The following ZFPM2 variants were observed in gnomAD, a reference collection of about 807,000 sequenced individuals.
The protein encoded by ZFPM2 is zinc finger protein, FOG family member 2.
ZFPM2 carries 20 observed loss-of-function variants against 98.6 expected under a neutral mutation model. That is an observed-to-expected ratio of 0.20 (90% CI 0.14 to 0.29). ZFPM2 has a LOEUF of 0.29. Ranked by LOEUF, ZFPM2 falls within the 10% of genes least tolerant of loss-of-function variation. The pLI, the probability that ZFPM2 is intolerant of heterozygous loss-of-function variation, is 1.00. For missense variants in ZFPM2, 1,310 were observed against 1,388.6 expected, an observed-to-expected ratio of 0.94 and a Z score of 0.90; for synonymous variants, 518 against 502.7, an observed-to-expected ratio of 1.03 and a Z score of -0.41.
chr8:105,664,199 A>C (rs1226453958), intron 5 of ZFPM2, among the ~76,000 whole-genome samples: 1 of 152,180 alleles, frequency 6.6e-6, no homozygotes, highest in Admixed American at 6.5e-5. Context: ...TCTCTTATGC[A>C]TTGGTTGTTT....
chr8:105,333,373 G>A (rs1426669237), intron 1 of ZFPM2, among the ~76,000 whole-genome samples: 1 of 151,696 alleles, frequency 6.6e-6, no homozygotes, highest in Admixed American at 6.6e-5. Flanking sequence ...CTTTTTAATT[G>A]AATCTGTTTG....
In ZFPM2 at chr8:105,572,731, A is replaced by G. The variant is rs146367221; in HGVS notation, c.420+11250A>G. On this transcript the variant is annotated intron_variant, in intron 4 of 7. Transcript: ENST00000407775. ...GTGATCTGCGTGCCTTGGCCTCCCA[A>G]AATGCTGGGATTACAGGCATGAGCC... 8.3e-3 allele frequency among the ~76,000 whole-genome samples: 1,261 copies of G among 152,280 alleles called. 22 individuals carry two copies. The highest frequency in any genetic ancestry group is 0.029 in the African/African-American group (1,199 of 41,548).
chr8:105,537,661 A>G (rs1814482214), intron 3 of ZFPM2, among the ~76,000 whole-genome samples: 1 of 152,192 alleles, frequency 6.6e-6, no homozygotes, highest in Admixed American at 6.6e-5. Flanking sequence ...CAGCCTGGGC[A>G]ACAGTGTGAG....
At position 105,802,566 on chromosome 8, in the gene ZFPM2, G is replaced by A. The variant is rs1228184420; in HGVS notation, c.2484G>A (p.Val828=). Residue 828 remains valine, a synonymous_variant, in exon 8 of 8, where the codon GTG becomes GTA. Transcript: ENST00000407775. The part of the protein sequence containing the change: ...HSSVSCLEMD[V]PIDLSKKCLS... ...GTGTTTCCTGCCTAGAGATGGACGT[G>A]CCCATAGATCTCAGCAAAAAGTGTT... 6.2e-7 allele frequency: 1 copy of A among 1,611,130 alleles called. No homozygotes were observed. The highest frequency in any genetic ancestry group is 8.5e-7 in the Non-Finnish European group (1 of 1,178,546).
intron 4 of ZFPM2, among the ~76,000 whole-genome samples, chr8:105,567,336 G>T (rs1010824035): frequency 2.0e-5 from 3 of 152,152 alleles, no homozygotes; most frequent in African/African-American, 7.2e-5. Context: ...TGGAAGTGCT[G>T]GAGATTTCCT....
rs200494162 is a variant in ZFPM2, at chr8:105,596,015, AAAC to A, written c.420+34535_420+34537del. ...TCTCCTTTTATCTGAAAAAAAAAAA[AAAC>A]CAACAACAAAAAAAGAAGTAACCAG... is the stretch of plus-strand genomic sequence containing the variant. On this transcript the variant is annotated intron_variant, in intron 4 of 7. Transcript: ENST00000407775. Among the ~76,000 whole-genome samples the A allele has an allele frequency of 1.5e-4, 22 of 149,114 alleles. No homozygotes were observed. In the East Asian group the frequency reaches 3.7e-3, roughly 25 times the overall value.
At chr8:105,727,581 G>T (rs1811842300) in intron 5 of ZFPM2, among the ~76,000 whole-genome samples, 1 of 151,632 alleles carries the variant, frequency 6.6e-6, no homozygotes, top group Non-Finnish European at 1.5e-5. Flanking sequence ...CTATTAACAA[G>T]TCAACCTCCA....
At chr8:105,543,443 C>T (rs1011691954) in intron 3 of ZFPM2, among the ~76,000 whole-genome samples, 4 of 152,090 alleles carry the variant, frequency 2.6e-5, no homozygotes, top group African/African-American at 9.7e-5. Context: ...CCCATCATAA[C>T]ATAGAATCAT....
At chr8:105,320,700 T>A (rs1812009383) in intron 1 of ZFPM2, among the ~76,000 whole-genome samples, 1 of 152,246 alleles carries the variant, frequency 6.6e-6, no homozygotes, top group South Asian at 2.1e-4. Flanking sequence ...TACTTGGGAA[T>A]ACTTTGTTAT....
At chr8:105,718,259 G>C (rs1441294946) in intron 5 of ZFPM2, among the ~76,000 whole-genome samples, 1 of 151,802 alleles carries the variant, frequency 6.6e-6, no homozygotes, top group African/African-American at 2.4e-5. Context: ...TTCTGGGTGT[G>C]GTGGCTGACT....
At chr8:105,795,741 A>G in intron 6 of ZFPM2, 1 of 441,688 alleles carries the variant, frequency 2.3e-6, no homozygotes, top group South Asian at 1.7e-5. Context: ...CTTAGTTTGT[A>G]TTTTTGTGTC....
At chr8:105,743,529 C>G (rs749786599) in intron 5 of ZFPM2, among the ~76,000 whole-genome samples, 1 of 151,986 alleles carries the variant, frequency 6.6e-6, no homozygotes, top group Admixed American at 6.6e-5. Context: ...CTTCACTCCT[C>G]TATGGATAAT....
At chr8:105,767,733 A>T (rs1812886734) in intron 5 of ZFPM2, among the ~76,000 whole-genome samples, 1 of 151,916 alleles carries the variant, frequency 6.6e-6, no homozygotes, top group Non-Finnish European at 1.5e-5. Context: ...CTGCCAGATG[A>T]GAGACTAAGA....
chr8:105,417,402 A>ATTCCC (rs1272719916), intron 1 of ZFPM2, among the ~76,000 whole-genome samples: 1 of 152,178 alleles, frequency 6.6e-6, no homozygotes, highest in African/African-American at 2.4e-5. Flanking sequence ...AAATTATACA[A>ATTCCC]ATAAAAAAAT....
intron 6 of ZFPM2, among the ~76,000 whole-genome samples, chr8:105,796,097 A>AATG (rs1342860043): frequency 3.3e-5 from 5 of 152,194 alleles, no homozygotes; most frequent in African/African-American, 1.2e-4. Context: ...GCATTCAATC[A>AATG]ATGATATAGT....
intron 1 of ZFPM2, among the ~76,000 whole-genome samples, chr8:105,337,888 A>G (rs1325476973): frequency 6.6e-6 from 1 of 151,734 alleles, no homozygotes; most frequent in Non-Finnish European, 1.5e-5. Flanking sequence ...TAGATTCTCA[A>G]AATGATAATG....
At chr8:105,554,128 A>G (rs1159863106) in intron 3 of ZFPM2, among the ~76,000 whole-genome samples, 9 of 152,196 alleles carry the variant, frequency 5.9e-5, no homozygotes, top group Admixed American at 2.0e-4. Flanking sequence ...AAGTATCTCT[A>G]TAAGGCAATT....
At chr8:105,326,654 C>T (rs183415972) in intron 1 of ZFPM2, among the ~76,000 whole-genome samples, 110 of 151,534 alleles carry the variant, frequency 7.3e-4, no homozygotes, top group Non-Finnish European at 1.5e-3. Flanking sequence ...TAATAAGAGA[C>T]ACTAATATAA....
At chr8:105,577,423 T>C (rs1176119739) in intron 4 of ZFPM2, among the ~76,000 whole-genome samples, 1 of 151,708 alleles carries the variant, frequency 6.6e-6, no homozygotes, top group African/African-American at 2.4e-5. Flanking sequence ...ATGTTTTTCC[T>C]ATTCTTTATA....
Sources: gnomAD v4.1 joint callset for allele counts (sites outside exome capture counted in the v4.1 genomes callset) on GRCh38, gnomAD v4.1.1 for gene constraint, MANE v1.5 for transcripts, NCBI Gene and HGNC (gene_info 2026-07-23, HGNC 2026-07-21) for gene names.